DOC2B: variants seen among roughly 807,000 people sequenced by gnomAD.
DOC2B encodes double C2-like domain-containing protein beta.
DOC2B carries 21 observed loss-of-function variants against 28.9 expected under a neutral mutation model. That is an observed-to-expected ratio of 0.73 (90% confidence interval 0.52 to 1.05). The LOEUF (loss-of-function observed/expected upper bound fraction) is 1.05. DOC2B is among the 50% of genes least tolerant of loss of function. The pLI, the probability that DOC2B is intolerant of heterozygous loss-of-function variation, is 0.00. For missense variants in DOC2B, 384 were observed against 421.1 expected, an observed-to-expected ratio of 0.91 and a Z score of 0.77; for synonymous variants, 194 against 178.1, an observed-to-expected ratio of 1.09 and a Z score of -0.71.
At chr17:156,435 C>T in intron 5 of DOC2B, 58 bp from the exon 6 acceptor site, 1 of 1,529,380 alleles carries the variant, frequency 6.5e-7, no homozygotes, top group Non-Finnish European at 8.8e-7. Context: ...CTTGGCCGTC[C>T]TTGGCCTCCT....
chr17:154,273 T>C (rs1444134687), intron 6 of DOC2B, among the ~76,000 whole-genome samples: 1 of 150,640 alleles, frequency 6.6e-6, no homozygotes, highest in East Asian at 1.9e-4. Flanking sequence ...CTACACTCCT[T>C]CTTAGGGCTG....
intron 1 of DOC2B, among the ~76,000 whole-genome samples, chr17:177,678 A>C (rs2040386251): frequency 6.6e-6 from 1 of 152,234 alleles, no homozygotes; most frequent in South Asian, 2.1e-4. Flanking sequence ...GCCTCTCAGC[A>C]TTCTTGTATC....
chr17:165,060 G>A (rs908187811), intron 2 of DOC2B, among the ~76,000 whole-genome samples: 1 of 152,196 alleles, frequency 6.6e-6, no homozygotes, highest in Admixed American at 6.5e-5. Flanking sequence ...GAGCTCTGGG[G>A]GATGCGGCAG....
intron 6 of DOC2B, among the ~76,000 whole-genome samples, chr17:151,125 G>C (rs991691545): frequency 1.3e-5 from 2 of 152,138 alleles, no homozygotes; most frequent in Non-Finnish European, 2.9e-5. Context: ...TTAAAAATTA[G>C]CTGGGCATGG....
intron 5 of DOC2B, 69 bp from the exon 6 acceptor site, chr17:156,446 C>T (rs2040136966): frequency 6.6e-7 from 1 of 1,510,378 alleles, no homozygotes; most frequent in Admixed American, 2.1e-5. Context: ...TTGGCCTCCT[C>T]TTCCTGAGCC....
intron 5 of DOC2B, among the ~76,000 whole-genome samples, chr17:160,146 G>C (rs576190263): frequency 6.6e-6 from 1 of 151,866 alleles, no homozygotes; most frequent in Non-Finnish European, 1.5e-5. Context: ...CCCCACACCC[G>C]GCTAATTTTT....
At chr17:148,442 T>A (rs2040038398) in intron 7 of DOC2B, among the ~76,000 whole-genome samples, 173 bp from the exon 8 acceptor site, 1 of 151,876 alleles carries the variant, frequency 6.6e-6, no homozygotes. Flanking sequence ...TCCACTGGGG[T>A]CTTCAGGGCC....
intron 6 of DOC2B, among the ~76,000 whole-genome samples, chr17:153,637 G>A (rs530555020): frequency 3.9e-5 from 6 of 151,966 alleles, no homozygotes; most frequent in East Asian, 1.9e-4. Context: ...GGAGGCAGAC[G>A]TTGCAGTGAG....
chr17:157,824 G>A (rs2151463489), intron 5 of DOC2B, among the ~76,000 whole-genome samples: 1 of 152,340 alleles, frequency 6.6e-6, no homozygotes, highest in East Asian at 1.9e-4. Flanking sequence ...TACTAGTGAA[G>A]GCAGGAATGG....
At chr17:165,362 G>T (rs956164443) in intron 2 of DOC2B, among the ~76,000 whole-genome samples, 3 of 151,214 alleles carry the variant, frequency 2.0e-5, no homozygotes, top group African/African-American at 7.4e-5. Context: ...TGTGCCTGTG[G>T]TTCCAGCAAC....
intron 1 of DOC2B, among the ~76,000 whole-genome samples, chr17:175,157 G>C (rs1395822797): frequency 2.6e-5 from 4 of 152,234 alleles, no homozygotes; most frequent in Admixed American, 2.0e-4. Flanking sequence ...AGGACCGCTT[G>C]AGCCCAGGAA....
intron 1 of DOC2B, among the ~76,000 whole-genome samples, chr17:173,881 A>C (rs993812490): frequency 1.3e-5 from 2 of 152,192 alleles, no homozygotes; most frequent in Non-Finnish European, 2.9e-5. Flanking sequence ...CCCAACCTGG[A>C]TCTAGATCCA....
intron 5 of DOC2B, among the ~76,000 whole-genome samples, chr17:160,621 G>C (rs978419122): frequency 6.6e-6 from 1 of 152,132 alleles, no homozygotes; most frequent in African/African-American, 2.4e-5. Flanking sequence ...TGTCCTGAAC[G>C]CTGGGAGGCT....
intron 1 of DOC2B, among the ~76,000 whole-genome samples, chr17:179,178 C>G (rs2040404821): frequency 6.6e-6 from 1 of 152,192 alleles, no homozygotes; most frequent in Admixed American, 6.5e-5. Context: ...TGTGGCCAGC[C>G]CACAGTTCAA....
chr17:170,170 T>C (rs1038679360), intron 2 of DOC2B, among the ~76,000 whole-genome samples: 2 of 152,192 alleles, frequency 1.3e-5, no homozygotes, highest in Non-Finnish European at 2.9e-5. Context: ...GCTTGGTCTC[T>C]ACCTTGGCAC....
rs534710868 is a variant in DOC2B at position 160,690 on chromosome 17, C to G, written c.765+725G>C. 3.6e-3 allele frequency among the ~76,000 whole-genome samples: 546 copies of G among 152,258 alleles called. 4 individuals are homozygous for G. The highest frequency in any genetic ancestry group is 5.0e-3 in the Non-Finnish European group (342 of 68,022). ...CGGGGGACTCCTGGCTTCACCAGCC[C>G]TATGAACCAGGTGAAGGTGAGGCCA... On this transcript the variant is annotated intron_variant, in intron 5 of 8. Transcript: ENST00000613549.
At chr17:157,469 A>C (rs113436496) in intron 5 of DOC2B, among the ~76,000 whole-genome samples, 12 of 152,050 alleles carry the variant, frequency 7.9e-5, no homozygotes, top group African/African-American at 2.4e-4. Flanking sequence ...TCTACCTGTA[A>C]ATTTTGATTT....
chr17:165,736 A>T lies in DOC2B; in HGVS notation c.454-1532T>A, dbSNP rs528356611. Among the ~76,000 whole-genome samples the T allele has an allele frequency of 2.2e-4, 34 of 152,244 alleles. No individual in the cohort carries two copies. In the South Asian group the frequency reaches 6.8e-3, roughly 31 times the overall value. ...AGTGGCCCAACACGTGCTCAAGGTG[A>T]CAAGGCTGCTCTTCCAAACCCAACT... On this transcript the variant is annotated intron_variant, in intron 2 of 8. Coordinates refer to ENST00000613549, the MANE Select transcript of DOC2B (RefSeq NM_003585.5).
Position 181,089 on chromosome 17 carries a change from G to A in DOC2B, c.373+18C>T, listed in dbSNP as rs1436477443. ...GAGCCAGGGGAGGGGGCGCGAAGTC[G>A]GCGCGTGGGAAACTTACTGCAGTCG... On this transcript the variant is annotated intron_variant, in intron 1 of 8. Coordinates refer to ENST00000613549, the MANE Select transcript of DOC2B (RefSeq NM_003585.5). This position sits in a 1 kb window ranked among gnomAD's most constrained non-coding sequence, Gnocchi z 7.0. 5 of 1,237,148 alleles carry A rather than the reference G, an allele frequency of 4.0e-6. No homozygotes were observed. Among genetic ancestry groups the A allele is most frequent in the African/African-American group, 1.6e-5 (1 of 63,808 alleles). The allele number at this position is 1,237,148 out of a possible 1,614,324, so 76.6% of individuals were successfully genotyped here.
Sources: gnomAD v4.1 joint callset for allele counts (sites outside exome capture counted in the v4.1 genomes callset) on GRCh38, gnomAD v4.1.1 for gene constraint, Gnocchi (gnomAD v3.1) non-coding constraint, MANE v1.5 for transcripts, NCBI Gene and HGNC (gene_info 2026-07-23, HGNC 2026-07-21) for gene names.